SBF2: variants seen among roughly 807,000 people sequenced by gnomAD.
The protein encoded by SBF2 is SET binding factor 2.
In SBF2, 112 loss-of-function variants were observed where a neutral mutation model predicts 225.2. The observed-to-expected ratio is 0.50, with a 90% confidence interval of 0.43 to 0.58. SBF2 has a LOEUF of 0.58. Ranked by LOEUF, SBF2 falls within the 20% of genes least tolerant of loss-of-function variation. The probability of loss-of-function intolerance (pLI) is 0.00; values close to 1 mark genes in which losing one functional copy is unlikely to be tolerated. For missense variants in SBF2, 1,996 were observed against 2,206.2 expected (o/e 0.90, Z 1.91); for synonymous variants, 763 against 773.3 (o/e 0.99, Z 0.22).
chr11:10,111,815 T>G (rs573805433), intron 2 of SBF2, among the ~76,000 whole-genome samples: 3 of 152,286 alleles, frequency 2.0e-5, no homozygotes, highest in Non-Finnish European at 2.9e-5. Flanking sequence ...AGACAGAAAT[T>G]GCAGTGAGCT....
intron 16 of SBF2, among the ~76,000 whole-genome samples, chr11:9,928,441 G>T (rs1864227379): frequency 6.6e-6 from 1 of 152,182 alleles, no homozygotes; most frequent in South Asian, 2.1e-4. Flanking sequence ...TGGAAAGACT[G>T]ACTACAGGAA....
chr11:10,219,390 G>C (rs57644762), intron 1 of SBF2, among the ~76,000 whole-genome samples: 1,624 of 152,284 alleles, frequency 0.011, 35 homozygotes, highest in African/African-American at 0.037. Flanking sequence ...ACACAGCAGG[G>C]GGGCCCTGGG....
At chr11:10,261,458 C>T (rs1457101081) in intron 1 of SBF2, among the ~76,000 whole-genome samples, 1 of 152,092 alleles carries the variant, frequency 6.6e-6, no homozygotes, top group Non-Finnish European at 1.5e-5. Context: ...CCACCTTGGC[C>T]CCCCAAAGTG....
intron 2 of SBF2, among the ~76,000 whole-genome samples, chr11:10,190,446 T>G (rs1360315424): frequency 6.6e-6 from 1 of 152,216 alleles, no homozygotes; most frequent in Non-Finnish European, 1.5e-5. Flanking sequence ...TTTAGCTTAC[T>G]TTCATATTTT....
intron 1 of SBF2, among the ~76,000 whole-genome samples, chr11:10,232,781 T>C (rs1240491948): frequency 1.3e-5 from 2 of 152,194 alleles, no homozygotes; most frequent in African/African-American, 2.4e-5. Context: ...AAAAGATGCT[T>C]TCATTTGGGA....
Position 9,858,348 on chromosome 11 carries a change from G to A in SBF2, c.1978C>T (p.His660Tyr), listed in dbSNP as rs1366835506. The part of the protein sequence containing the change: ...SQFAYTCVQD[H>Y]PIWTNQQFWE... ...AATTGCTGATTTGTCCAAATGGGGT[G>A]GTCTTGTACACACGTGTAAGCAAAC... Residue 660 changes from histidine to tyrosine, a missense_variant, in exon 18 of 40, where the codon CAC (histidine) becomes TAC (tyrosine). By Grantham distance (83) the His-to-Tyr change is moderately conservative (BLOSUM62 2). Coordinates refer to ENST00000256190, the MANE Select transcript of SBF2 (RefSeq NM_030962.4). 2 of 1,614,044 alleles carry A rather than the reference G, an allele frequency of 1.2e-6. No homozygotes were observed. Among genetic ancestry groups the A allele is most frequent in the East Asian group, 2.2e-5 (1 of 44,900 alleles).
At chr11:10,262,091 T>C (rs1245892339) in intron 1 of SBF2, among the ~76,000 whole-genome samples, 1 of 152,074 alleles carries the variant, frequency 6.6e-6, no homozygotes, top group Non-Finnish European at 1.5e-5. Context: ...ATGTGAACAT[T>C]GCATCAAAAG....
At chr11:10,018,083 A>C (rs988156533) in intron 6 of SBF2, among the ~76,000 whole-genome samples, 4 of 152,154 alleles carry the variant, frequency 2.6e-5, no homozygotes, top group Admixed American at 2.6e-4. Context: ...AGAAGAACAG[A>C]GAATAACTGG....
chr11:10,055,524 TACACACACACACACACACACACAC>T (rs3993326), intron 2 of SBF2, among the ~76,000 whole-genome samples: 10 of 133,854 alleles, frequency 7.5e-5, no homozygotes, highest in East Asian at 2.2e-4. Flanking sequence ...AAGAAAATGA[TACACACACACACACACACACACAC>T]ACACACACAC....
intron 1 of SBF2, among the ~76,000 whole-genome samples, chr11:10,291,017 CA>C (rs561365776): frequency 2.9e-4 from 44 of 152,200 alleles, no homozygotes; most frequent in African/African-American, 9.6e-4. Flanking sequence ...GTTCTTGTGC[CA>C]AAAAGTACAA....
chr11:9,961,816 C>T (rs1409418110), intron 16 of SBF2, 141 bp downstream of exon 16: 3 of 630,004 alleles, frequency 4.8e-6, no homozygotes, highest in South Asian at 2.8e-5. Context: ...AAGTATTTGA[C>T]AGAAATGATA....
chr11:9,823,516 A>G (rs1001303839), intron 28 of SBF2, among the ~76,000 whole-genome samples: 4 of 151,978 alleles, frequency 2.6e-5, no homozygotes, highest in Non-Finnish European at 4.4e-5. Flanking sequence ...AAAAAAAAAA[A>G]AAGAAGAAGA....
intron 16 of SBF2, among the ~76,000 whole-genome samples, chr11:9,906,006 G>A (rs58982478): frequency 0.015 from 2,267 of 152,232 alleles, 48 homozygotes; most frequent in African/African-American, 0.051. Flanking sequence ...TCTCTGCAAG[G>A]TCTCCATCCT....
chr11:10,181,403 G>T (rs918639117), intron 2 of SBF2, among the ~76,000 whole-genome samples: 3 of 151,764 alleles, frequency 2.0e-5, no homozygotes, highest in Non-Finnish European at 4.4e-5. Context: ...TTTCTCTTTG[G>T]TTTTCTAAAT....
intron 2 of SBF2, among the ~76,000 whole-genome samples, chr11:10,171,474 C>T (rs1425068661): frequency 1.3e-5 from 2 of 152,038 alleles, no homozygotes; most frequent in East Asian, 1.9e-4. Flanking sequence ...TCCTTGTATC[C>T]CTGGGATAAA....
At chr11:9,959,357 G>C (rs573929952) in intron 16 of SBF2, 5 of 783,430 alleles carry the variant, frequency 6.4e-6, no homozygotes, top group Admixed American at 5.1e-5. Context: ...GAATCCACTG[G>C]AAGGCCAACC....
intron 2 of SBF2, among the ~76,000 whole-genome samples, chr11:10,188,309 T>C (rs893544406): frequency 2.0e-5 from 3 of 152,180 alleles, no homozygotes; most frequent in African/African-American, 2.4e-5. Context: ...AAGGGTGATA[T>C]GACAGACAAG....
At chr11:10,160,157 T>C (rs192484037) in intron 2 of SBF2, among the ~76,000 whole-genome samples, 4 of 152,196 alleles carry the variant, frequency 2.6e-5, no homozygotes, top group Non-Finnish European at 4.4e-5. Flanking sequence ...TATGTATACA[T>C]AGAAAACCCT....
In SBF2 at chr11:10,042,958, C is replaced by A; in HGVS notation, c.165G>T (p.Gln55His). ...TTGGCTGCTTCCTCTCTCTGGACAG[C>A]TGCCACCCGCCAGGCTGACAAAACT... ...IELFCQPGGW[Q>H]LSRERKQPTF... The change falls in exon 3 of 40, where the codon CAG (glutamine) becomes CAT (histidine). Residue 55 changes from glutamine to histidine, a missense_variant. By Grantham distance (24) the Gln-to-His change is conservative (BLOSUM62 0). Coordinates refer to ENST00000256190, the MANE Select transcript of SBF2 (RefSeq NM_030962.4). The A allele has an allele frequency of 1.2e-6, 2 of 1,613,856 alleles. No individual in the cohort carries two copies. Among genetic ancestry groups the A allele is most frequent in the Non-Finnish European group, 1.7e-6 (2 of 1,179,858 alleles).
Sources: gnomAD v4.1 joint callset for allele counts (sites outside exome capture counted in the v4.1 genomes callset) on GRCh38, gnomAD v4.1.1 for gene constraint, MANE v1.5 for transcripts, NCBI Gene and HGNC (gene_info 2026-07-23, HGNC 2026-07-21) for gene names.